Variants in ANKRD30B observed in about 807,000 individuals in gnomAD.
The protein encoded by ANKRD30B is ankyrin repeat domain-containing protein 30B.
ANKRD30B carries 144 observed loss-of-function variants against 202.2 expected under a neutral mutation model. The observed-to-expected ratio is 0.71, with a 90% CI of 0.62 to 0.82. The LOEUF (loss-of-function observed/expected upper bound fraction) is 0.82. ANKRD30B is among the 40% of genes least tolerant of loss of function. The probability of loss-of-function intolerance (pLI) is 0.00; values close to 1 mark genes in which losing one functional copy is unlikely to be tolerated. For synonymous variants in ANKRD30B, 508 were observed against 561.3 expected, an observed-to-expected ratio of 0.91 and a Z score of 1.34; for missense variants, 1,487 against 1,669.1, an observed-to-expected ratio of 0.89 and a Z score of 1.90.
chr18:14,799,144 A>C lies in ANKRD30B; in HGVS notation c.2058+15A>C. The C allele has an allele frequency of 6.3e-7, 1 of 1,587,342 alleles. No homozygotes were observed. The highest frequency in any genetic ancestry group is 1.1e-5 in the South Asian group (1 of 89,844). ...GTCTTCTGAAGGTAATAACTTTTAT[A>C]TTTTTATCTTGAATATTACCTACAT... is the stretch of plus-strand genomic sequence containing the variant. On this transcript the variant is annotated intron_variant, in intron 21 of 43. Transcript: ENST00000690538.
intron 30 of ANKRD30B, among the ~76,000 whole-genome samples, chr18:14,815,394 C>G (rs1261887473): frequency 6.6e-6 from 1 of 151,698 alleles, no homozygotes; most frequent in Non-Finnish European, 1.5e-5. Context: ...ATTCAGCCGA[C>G]TAGGGATTCT....
chr18:14,850,904 C>T (rs1314851308), intron 41 of ANKRD30B, among the ~76,000 whole-genome samples: 2 of 151,818 alleles, frequency 1.3e-5, no homozygotes, highest in African/African-American at 4.8e-5. Flanking sequence ...GGAGAAAATC[C>T]TACAACTTGA....
rs199804777 is a variant in ANKRD30B at position 14,752,551 on chromosome 18, C to G, written c.222-15C>G. The stretch of plus-strand genomic sequence containing the variant: ...GTGGGCTATACTTTGCCTAAAAGTC[C>G]TCTCACTCTCGTAGGACTGCTCTAC... On this transcript the variant is annotated splice_polypyrimidine_tract_variant and intron_variant, in intron 1 of 43. Coordinates refer to ENST00000690538, the MANE Select transcript of ANKRD30B (RefSeq NM_001367607.2). 351 of 1,600,424 alleles carry G rather than the reference C, an allele frequency of 2.2e-4. 5 individuals are homozygous for G. The South Asian group carries it at 3.7e-3, about 17-fold the overall frequency.
chr18:14,891,779 C>T, the ANKRD30B span, among the ~76,000 whole-genome samples: 184 of 152,304 alleles, frequency 1.2e-3, no homozygotes, highest in African/African-American at 4.3e-3. Context: ...CACAGACAAG[C>T]CTTGCCCTTT....
At chr18:14,839,471 A>G (rs1464268615) in intron 36 of ANKRD30B, among the ~76,000 whole-genome samples, 1 of 152,234 alleles carries the variant, frequency 6.6e-6, no homozygotes, top group Admixed American at 6.5e-5. Context: ...TAGCATGCAG[A>G]AAGTGGGGTA....
At position 14,852,118 on chromosome 18, in the gene ANKRD30B, T is replaced by A. The variant is rs551685430; in HGVS notation, c.4174T>A (p.Cys1392Ser). ...ACAAAGAGACCGATGTGAAACACAG[T>A]GTCAAATGAAGAAAGCTGAACACAT... ...HAQRDRCETQ[C>S]QMKKAEHMYQ... The change falls in exon 42 of 44, where the codon TGT becomes AGT. Residue 1392 changes from cysteine (C) to serine (S), a missense_variant. This residue lies in a region of ANKRD30B where 182 missense variants were observed against 216.0 expected (regional missense o/e 0.84). Coordinates refer to ENST00000690538, the MANE Select transcript of ANKRD30B (RefSeq NM_001367607.2). The A allele has an allele frequency of 3.9e-5, 63 of 1,604,564 alleles. No individual in the cohort carries two copies. Among genetic ancestry groups the A allele is most frequent in the Non-Finnish European group, 5.1e-5 (60 of 1,175,050 alleles).
the ANKRD30B span, among the ~76,000 whole-genome samples, chr18:14,880,173 C>T: frequency 6.6e-6 from 1 of 152,008 alleles, no homozygotes; most frequent in Non-Finnish European, 1.5e-5. Context: ...TTTACTTTGT[C>T]GAAGATCAGT....
intron 16 of ANKRD30B, among the ~76,000 whole-genome samples, chr18:14,795,853 A>T (rs1198279697): frequency 6.5e-5 from 9 of 139,376 alleles, no homozygotes; most frequent in Admixed American, 5.1e-4. Context: ...CCTAGGACTT[A>T]TTTTTTTTTT....
rs751048242 is a variant in ANKRD30B, at chr18:14,799,213, AC to A, written c.2059-7del. 3 of 1,581,246 alleles carry A rather than the reference AC, an allele frequency of 1.9e-6. No individual in the cohort carries two copies. The highest frequency in any genetic ancestry group is 4.8e-5 in the East Asian group (2 of 41,398). On this transcript the variant is annotated splice_polypyrimidine_tract_variant and intron_variant, in intron 21 of 43. Transcript: ENST00000690538. The stretch of plus-strand genomic sequence containing the variant: ...TATATGTTAATTTTTGTGTTTCCAA[AC>A]CCATTTAGCCTACCTGTGGAAGGAA...
the ANKRD30B span, among the ~76,000 whole-genome samples, chr18:14,916,998 G>T: frequency 7.9e-5 from 12 of 152,186 alleles, no homozygotes; most frequent in African/African-American, 2.4e-4. Flanking sequence ...CTGTTTCCAC[G>T]CTGGCCACCA....
the ANKRD30B span, among the ~76,000 whole-genome samples, chr18:14,901,618 T>A: frequency 6.6e-6 from 1 of 152,106 alleles, no homozygotes; most frequent in Non-Finnish European, 1.5e-5. Flanking sequence ...GTAAAATATA[T>A]TGTTGTGAGC....
At chr18:14,841,699 G>C (rs1971425678) in intron 37 of ANKRD30B, among the ~76,000 whole-genome samples, 1 of 152,182 alleles carries the variant, frequency 6.6e-6, no homozygotes. Flanking sequence ...ATGAAATGCA[G>C]CAAGAAAGAA....
chr18:14,760,425 G>A, intron 5 of ANKRD30B, 129 bp from the exon 6 acceptor site: 2 of 551,998 alleles, frequency 3.6e-6, no homozygotes, highest in East Asian at 3.3e-5. Context: ...CTTAAAGTCT[G>A]TGAAATAAGT....
Position 14,814,618 on chromosome 18 carries a change from C to G in ANKRD30B, c.2551-3C>G. ...AATTATTTATTGATATTACTTTTAA[C>G]AGAGTTTCCTTGAGGCTCTCTTACA... On this transcript the variant is annotated splice_polypyrimidine_tract_variant and splice_region_variant and intron_variant, in intron 29 of 43. Transcript: ENST00000690538. The G allele has an allele frequency of 8.1e-7, 1 of 1,238,640 alleles. No homozygotes were observed. The allele number at this position is 1,238,640 out of a possible 1,614,324, so 76.7% of individuals were successfully genotyped here.
At chr18:14,796,769 A>G (rs1484452671) in intron 18 of ANKRD30B, among the ~76,000 whole-genome samples, 2 of 150,674 alleles carry the variant, frequency 1.3e-5, no homozygotes, top group Non-Finnish European at 2.9e-5. Context: ...CCGTAGTGCC[A>G]ACAATTCACT....
chr18:14,768,197 C>A (rs9303858), intron 7 of ANKRD30B, among the ~76,000 whole-genome samples: 1 of 151,654 alleles, frequency 6.6e-6, no homozygotes, highest in Non-Finnish European at 1.5e-5. Flanking sequence ...TCTTTAGAAC[C>A]CAGAAGGACT....
chr18:14,854,523 A>AT lies in ANKRD30B; in HGVS notation c.*370dup, dbSNP rs1208943431. Reference sequence around the variant, plus strand: ...CCTGACACGTTCAGTGTTTTCAGTTATTTTTCTTGGCTGTAGGAATGTCAC... The same window carrying AT: ...CCTGACACGTTCAGTGTTTTCAGTTATTTTTTCTTGGCTGTAGGAATGTCAC... On this transcript the variant is annotated 3_prime_UTR_variant, in exon 44 of 44. Coordinates refer to ENST00000690538, the MANE Select transcript of ANKRD30B (RefSeq NM_001367607.2). 1.3e-5 allele frequency among the ~76,000 whole-genome samples: 2 copies of AT among 152,022 alleles called. No homozygotes were observed. The highest frequency in any genetic ancestry group is 4.8e-5 in the African/African-American group (2 of 41,368).
intron 16 of ANKRD30B, among the ~76,000 whole-genome samples, chr18:14,793,452 C>T (rs1265411265): frequency 6.6e-6 from 1 of 152,074 alleles, no homozygotes; most frequent in Admixed American, 6.6e-5. Flanking sequence ...TCCTCTGATT[C>T]AAGATCACTT....
At chr18:14,806,657 C>T (rs866733261) in intron 24 of ANKRD30B, among the ~76,000 whole-genome samples, 6 of 148,868 alleles carry the variant, frequency 4.0e-5, no homozygotes, top group East Asian at 1.9e-4. Context: ...AAGTGATAAA[C>T]GGTTCGTTGA....
Sources: gnomAD v4.1 joint callset for allele counts (sites outside exome capture counted in the v4.1 genomes callset) on GRCh38, gnomAD v4.1.1 for gene constraint, gnomAD v4.1.1 regional missense constraint, MANE v1.5 for transcripts, NCBI Gene and HGNC (gene_info 2026-07-23, HGNC 2026-07-21) for gene names.